The following KLHDC10 variants were observed in gnomAD, a reference collection of about 807,000 sequenced individuals.
KLHDC10 encodes kelch domain-containing protein 10.
KLHDC10 carries 24 observed loss-of-function variants against 56.1 expected under a neutral mutation model. The observed-to-expected ratio is 0.43, with a 90% CI of 0.31 to 0.60. The LOEUF (loss-of-function observed/expected upper bound fraction) is 0.60, where lower values mean the gene tolerates loss of function less well. KLHDC10 is among the 20% of genes least tolerant of loss of function. The probability of loss-of-function intolerance (pLI) is 0.11; values close to 1 mark genes in which losing one functional copy is unlikely to be tolerated. For missense variants in KLHDC10, 349 were observed against 567.0 expected, an observed-to-expected ratio of 0.62 and a Z score of 3.91; for synonymous variants, 188 against 207.1, an observed-to-expected ratio of 0.91 and a Z score of 0.79.
intron 7 of KLHDC10, among the ~76,000 whole-genome samples, chr7:130,126,901 G>A (rs552421318): frequency 2.6e-5 from 4 of 152,142 alleles, no homozygotes; most frequent in South Asian, 2.1e-4. Flanking sequence ...CCAGGAGTTC[G>A]AGACCAGCCT....
intron 2 of KLHDC10, among the ~76,000 whole-genome samples, chr7:130,106,962 C>A (rs112926443): frequency 0.029 from 4,380 of 152,252 alleles, 202 homozygotes; most frequent in African/African-American, 0.1. Flanking sequence ...TAGAGCAAGA[C>A]CCTGTCTCAA....
At chr7:130,122,998 A>T (rs113310765) in intron 5 of KLHDC10, among the ~76,000 whole-genome samples, 6,312 of 149,976 alleles carry the variant, frequency 0.042, 429 homozygotes, top group African/African-American at 0.15. Context: ...TGGATGGGTG[A>T]TGAATGATAG....
chr7:130,095,635 CCA>C (rs1563100004), intron 1 of KLHDC10, among the ~76,000 whole-genome samples: 2 of 152,148 alleles, frequency 1.3e-5, no homozygotes, highest in African/African-American at 4.8e-5. Context: ...GCAGGTGATG[CCA>C]TTTCATTATA....
At chr7:130,128,867 T>G (rs1374273649) in intron 8 of KLHDC10, among the ~76,000 whole-genome samples, 1 of 74,630 alleles carries the variant, frequency 1.3e-5, no homozygotes, top group African/African-American at 6.3e-5. Context: ...TAGTGAGACC[T>G]TGTCTCTTAA....
At chr7:130,128,889 AATATATATATAT>A (rs1554468213) in intron 8 of KLHDC10, among the ~76,000 whole-genome samples, 3 of 66,956 alleles carry the variant, frequency 4.5e-5, no homozygotes, top group Admixed American at 1.5e-4. Context: ...AAAAAAAAAA[AATATATATATAT>A]ATATATATAT....
At chr7:130,122,537 G>A (rs750441947) in intron 5 of KLHDC10, among the ~76,000 whole-genome samples, 2 of 152,090 alleles carry the variant, frequency 1.3e-5, no homozygotes, top group African/African-American at 2.4e-5. Context: ...AACAGTTACC[G>A]TCCAGTTACT....
chr7:130,126,423 C>A (rs910536672), intron 7 of KLHDC10, among the ~76,000 whole-genome samples: 4 of 152,168 alleles, frequency 2.6e-5, no homozygotes, highest in Admixed American at 2.6e-4. Flanking sequence ...TGCCTATAAT[C>A]CCAGCACTTT....
rs1468758624 is a variant in KLHDC10 at position 130,131,971 on chromosome 7, C to T, written c.*1225C>T. 6.6e-6 allele frequency: 1 copy of T among 152,018 alleles called. No individual in the cohort carries two copies. The highest frequency in any genetic ancestry group is 1.5e-5 in the Non-Finnish European group (1 of 68,002). 9.4% of individuals were successfully genotyped at this position (152,018 alleles called of 1,614,324 possible). Reference sequence around the variant, plus strand: ...CCACAGGTCATCCTTCCTGAAGAACCAAGTATCATTTAAAAACTAGCATGA... The same window carrying T: ...CCACAGGTCATCCTTCCTGAAGAACTAAGTATCATTTAAAAACTAGCATGA... On this transcript the variant is annotated 3_prime_UTR_variant, in exon 10 of 10. Coordinates refer to ENST00000335420, the MANE Select transcript of KLHDC10 (RefSeq NM_014997.4).
At position 130,116,600 on chromosome 7, in the gene KLHDC10, G is replaced by A; in HGVS notation, c.409G>A (p.Ala137Thr). Reference sequence around the variant, plus strand: ...CAGGGAACTCTGGAGGTATCATTTTGCTACAGGAGTATGGCACCAGATGGG... The same window carrying A: ...CAGGGAACTCTGGAGGTATCATTTTACTACAGGAGTATGGCACCAGATGGG... ...LFRELWRYHF[A>T]TGVWHQMGTD... Residue 137 changes from alanine (A) to threonine (T), a missense_variant, in exon 3 of 10, where the codon GCT (alanine) becomes ACT (threonine). Ala to Thr is a moderately conservative substitution (Grantham distance 58). Around this residue, in one of 2 missense-constraint regions of KLHDC10, gnomAD observed 245 missense variants for 470.1 expected, o/e 0.52. Transcript: ENST00000335420. This position sits in a 1 kb window ranked among gnomAD's most constrained non-coding sequence, Gnocchi z 4.8. The A allele has an allele frequency of 6.2e-7, 1 of 1,614,166 alleles. No homozygotes were observed. The highest frequency in any genetic ancestry group is 8.5e-7 in the Non-Finnish European group (1 of 1,180,032).
In KLHDC10 at chr7:130,119,466, C is replaced by T. The variant is rs147952188; in HGVS notation, c.476-1283C>T. ...GGTCAAGGCTGCAGTAAGCCGTGAT[C>T]GTGTCACTGAACTCCAGCCTGGGTG... is the stretch of plus-strand genomic sequence containing the variant. On this transcript the variant is annotated intron_variant, in intron 3 of 9. Transcript: ENST00000335420. Among the ~76,000 whole-genome samples the T allele has an allele frequency of 7.0e-3, 1,039 of 147,382 alleles. 8 individuals are homozygous for T. Among genetic ancestry groups the T allele is most frequent in the African/African-American group, 0.024 (956 of 39,852 alleles).
intron 2 of KLHDC10, among the ~76,000 whole-genome samples, chr7:130,099,055 G>T (rs1483740938): frequency 6.6e-6 from 1 of 152,116 alleles, no homozygotes; most frequent in Admixed American, 6.5e-5. Context: ...TAACCTCTTT[G>T]TAGTGTTTGA....
intron 2 of KLHDC10, among the ~76,000 whole-genome samples, chr7:130,099,285 G>A (rs949725686): frequency 6.6e-5 from 10 of 151,992 alleles, no homozygotes; most frequent in Non-Finnish European, 8.8e-5. Flanking sequence ...AAGTCTCTTC[G>A]TTTGTTCGTT....
chr7:130,124,555 A>G lies in KLHDC10; in HGVS notation c.864+20A>G, dbSNP rs769394384. The G allele has an allele frequency of 1.1e-5, 14 of 1,288,630 alleles. No individual in the cohort carries two copies. The African/African-American group carries it at 1.6e-4, about 15-fold the overall frequency. 79.8% of individuals were successfully genotyped at this position (1,288,630 alleles called of 1,614,324 possible). A position where few individuals can be genotyped will look rare whatever the true frequency, so the allele number is the denominator to read the frequency against. On this transcript the variant is annotated intron_variant, in intron 6 of 9. Transcript: ENST00000335420. ...AACAAGGTATATTTTTTTAAAAAGA[A>G]AAAAAGGGAGAGGGAGAAGGATAGA...
chr7:130,093,155 T>C (rs749859116), intron 1 of KLHDC10, among the ~76,000 whole-genome samples: 1 of 152,080 alleles, frequency 6.6e-6, no homozygotes, highest in African/African-American at 2.4e-5. Context: ...GAGAAAAAAC[T>C]AAAAACTAGC....
At chr7:130,112,023 CTATT>C (rs1028320232) in intron 2 of KLHDC10, among the ~76,000 whole-genome samples, 2 of 152,174 alleles carry the variant, frequency 1.3e-5, no homozygotes, top group Admixed American at 6.5e-5. Flanking sequence ...AGTATTGTAT[CTATT>C]AAAAATTTTT....
chr7:130,089,712 T>C (rs1795743736), intron 1 of KLHDC10, among the ~76,000 whole-genome samples: 1 of 152,180 alleles, frequency 6.6e-6, no homozygotes, highest in Non-Finnish European at 1.5e-5. Context: ...CTGGAGCTCT[T>C]GTGCAGTAAG....
At chr7:130,106,366 TAAG>T (rs1796008461) in intron 2 of KLHDC10, among the ~76,000 whole-genome samples, 1 of 152,064 alleles carries the variant, frequency 6.6e-6, no homozygotes, top group Non-Finnish European at 1.5e-5. Flanking sequence ...TTAGGGGTAA[TAAG>T]ATACAGATCT....
chr7:130,108,019 C>G (rs953269180), intron 2 of KLHDC10, among the ~76,000 whole-genome samples: 7 of 138,566 alleles, frequency 5.1e-5, no homozygotes, highest in South Asian at 4.7e-4. Flanking sequence ...CGTCTCCAAA[C>G]AAAACAAAAC....
chr7:130,129,391 T>G (rs1007041186), intron 8 of KLHDC10, 46 bp from the exon 9 acceptor site: 3 of 1,608,972 alleles, frequency 1.9e-6, no homozygotes, highest in Non-Finnish European at 2.5e-6. Flanking sequence ...TCCATAGCTT[T>G]GGCTCTTTTC....
Sources: allele counts gnomAD v4.1 joint callset (sites outside exome capture counted in the v4.1 genomes callset), GRCh38; gene constraint gnomAD v4.1.1; regional missense constraint gnomAD v4.1.1; non-coding constraint Gnocchi (gnomAD v3.1); transcripts MANE v1.5; gene names NCBI Gene and HGNC (gene_info 2026-07-23, HGNC 2026-07-21).